Variants in ZNF385B observed in about 807,000 individuals in gnomAD.
The protein encoded by ZNF385B is zinc finger protein 533.
ZNF385B carries 23 observed loss-of-function variants against 39.2 expected under a neutral mutation model. That is an observed-to-expected ratio of 0.59 (90% CI 0.42 to 0.83). The LOEUF is 0.83. ZNF385B is among the 40% of genes least tolerant of loss of function. The pLI is 0.00. For missense variants in ZNF385B, 552 were observed against 598.9 expected, an observed-to-expected ratio of 0.92 and a Z score of 0.82; for synonymous variants, 205 against 222.6, an observed-to-expected ratio of 0.92 and a Z score of 0.70.
chr2:179,526,388 A>G (rs1022616735), intron 4 of ZNF385B, among the ~76,000 whole-genome samples: 2 of 151,956 alleles, frequency 1.3e-5, no homozygotes, highest in Non-Finnish European at 2.9e-5. Context: ...TCAGGAGTTC[A>G]AGACCAGCCT....
chr2:179,453,952 C>T (rs1559246831), intron 6 of ZNF385B, among the ~76,000 whole-genome samples: 1 of 152,158 alleles, frequency 6.6e-6, no homozygotes, highest in Non-Finnish European at 1.5e-5. Flanking sequence ...GCATTTGCCC[C>T]TTTTTCTCCT....
intron 6 of ZNF385B, among the ~76,000 whole-genome samples, chr2:179,481,419 A>T (rs2053980537): frequency 1.4e-5 from 2 of 147,708 alleles, no homozygotes; most frequent in Non-Finnish European, 3.0e-5. Flanking sequence ...CTTCTTCCAC[A>T]CCTTTCCTTC....
chr2:179,566,294 TA>T (rs1329751963), intron 3 of ZNF385B, among the ~76,000 whole-genome samples: 2 of 152,316 alleles, frequency 1.3e-5, no homozygotes, highest in African/African-American at 4.8e-5. Flanking sequence ...ATGGAAATAA[TA>T]ATTCCTGGGA....
chr2:179,859,488 AG>A (rs1419584839), intron 1 of ZNF385B, among the ~76,000 whole-genome samples: 1 of 152,224 alleles, frequency 6.6e-6, no homozygotes, highest in East Asian at 1.9e-4. Context: ...TGTATCACCA[AG>A]ATGATTCCAA....
At chr2:179,755,562 A>C (rs1702960706) in intron 3 of ZNF385B, among the ~76,000 whole-genome samples, 1 of 152,078 alleles carries the variant, frequency 6.6e-6, no homozygotes, top group African/African-American at 2.4e-5. Flanking sequence ...ATTTTGTGGG[A>C]GTCTAAGTCT....
At chr2:179,512,213 T>C (rs1241864225) in intron 5 of ZNF385B, among the ~76,000 whole-genome samples, 1 of 152,126 alleles carries the variant, frequency 6.6e-6, no homozygotes, top group African/African-American at 2.4e-5. Context: ...ATTAAGGGTA[T>C]TTATAATAAA....
At chr2:179,464,782 G>A (rs1386793890) in intron 6 of ZNF385B, among the ~76,000 whole-genome samples, 3 of 152,182 alleles carry the variant, frequency 2.0e-5, no homozygotes, top group Non-Finnish European at 4.4e-5. Flanking sequence ...CAGGTAGCAT[G>A]ATGCCTCCAG....
At chr2:179,456,377 T>A (rs1450989088) in intron 6 of ZNF385B, among the ~76,000 whole-genome samples, 1 of 152,202 alleles carries the variant, frequency 6.6e-6, no homozygotes, top group Non-Finnish European at 1.5e-5. Context: ...TGCCTTTACC[T>A]ATCCAACAGA....
intron 1 of ZNF385B, among the ~76,000 whole-genome samples, chr2:179,847,860 G>C (rs1708877425): frequency 6.6e-6 from 1 of 152,200 alleles, no homozygotes; most frequent in Admixed American, 6.5e-5. Flanking sequence ...CACATATGCT[G>C]TTATTTGTTA....
At chr2:179,509,197 C>A (rs1455369099) in intron 5 of ZNF385B, among the ~76,000 whole-genome samples, 2 of 152,230 alleles carry the variant, frequency 1.3e-5, no homozygotes, top group Middle Eastern at 3.4e-3. Flanking sequence ...CCATCATAAT[C>A]ACTTTTTTAA....
intron 6 of ZNF385B, among the ~76,000 whole-genome samples, chr2:179,448,468 G>T (rs1182974387): frequency 6.6e-6 from 1 of 151,988 alleles, no homozygotes; most frequent in East Asian, 1.9e-4. Context: ...TGATCTAAAA[G>T]AATCTGATCT....
chr2:179,614,657 G>A (rs1018310369), intron 3 of ZNF385B, among the ~76,000 whole-genome samples: 1 of 152,198 alleles, frequency 6.6e-6, no homozygotes, highest in African/African-American at 2.4e-5. Context: ...CAGATTGACA[G>A]TACTGAGGTA....
chr2:179,836,387 A>G (rs1351432889), intron 1 of ZNF385B, among the ~76,000 whole-genome samples: 1 of 152,236 alleles, frequency 6.6e-6, no homozygotes, highest in Non-Finnish European at 1.5e-5. Flanking sequence ...TATTGCTTCT[A>G]CTGGAATATT....
chr2:179,591,638 T>G (rs192215807), intron 3 of ZNF385B, among the ~76,000 whole-genome samples: 1 of 152,328 alleles, frequency 6.6e-6, no homozygotes, highest in African/African-American at 2.4e-5. Context: ...TTGGTGAGGC[T>G]TCAGGGTAGA....
intron 3 of ZNF385B, among the ~76,000 whole-genome samples, chr2:179,663,713 C>CAAAAAAAAAAA (rs71401756): frequency 3.0e-5 from 2 of 67,734 alleles, no homozygotes; most frequent in Non-Finnish European, 5.2e-5. Flanking sequence ...GACTCCGTCT[C>CAAAAAAAAAAA]AAAAAAAAAA....
intron 1 of ZNF385B, among the ~76,000 whole-genome samples, chr2:179,841,966 G>A (rs964918518): frequency 6.6e-6 from 1 of 152,120 alleles, no homozygotes; most frequent in South Asian, 2.1e-4. Flanking sequence ...AATTACTTAA[G>A]AACACAGATA....
intron 1 of ZNF385B, among the ~76,000 whole-genome samples, chr2:179,798,967 A>C (rs1170193953): frequency 1.3e-5 from 2 of 152,082 alleles, no homozygotes; most frequent in Non-Finnish European, 2.9e-5. Context: ...ATTTTATATT[A>C]ATGGTTTATC....
chr2:179,860,633 C>T (rs1684969332), intron 1 of ZNF385B, among the ~76,000 whole-genome samples: 2 of 152,116 alleles, frequency 1.3e-5, no homozygotes, highest in African/African-American at 2.4e-5. Context: ...TCCCACGACC[C>T]CAAGCTTCGA....
intron 3 of ZNF385B, chr2:179,746,022 T>G (rs1438246554): frequency 1.8e-6 from 2 of 1,113,932 alleles, no homozygotes; most frequent in Non-Finnish European, 2.2e-6. Flanking sequence ...TATCTCCATG[T>G]GTGCTGAAAC....
Sources: gnomAD v4.1 joint callset for allele counts (sites outside exome capture counted in the v4.1 genomes callset) on GRCh38, gnomAD v4.1.1 for gene constraint, MANE v1.5 for transcripts, NCBI Gene and HGNC (gene_info 2026-07-23, HGNC 2026-07-21) for gene names.